ADGRV1: variants seen among roughly 807,000 people sequenced by gnomAD.
ADGRV1 encodes the protein adhesion G protein-coupled receptor V1.
In ADGRV1, 359 loss-of-function variants were observed where a neutral mutation model predicts 596.2. That is an observed-to-expected ratio of 0.60 (90% confidence interval 0.55 to 0.66). ADGRV1 has a LOEUF of 0.66. Among genes scored for constraint, ADGRV1 ranks in the 30% least tolerant of loss-of-function variants. ADGRV1 has a pLI of 0.00. For synonymous variants in ADGRV1, 2,681 were observed against 2,679.2 expected, an observed-to-expected ratio of 1.00 and a Z score of -0.02; for missense variants, 7,274 against 7,575.6, an observed-to-expected ratio of 0.96 and a Z score of 1.48.
chr5:90,788,463 G>GT (rs1759720589), intron 68 of ADGRV1, among the ~76,000 whole-genome samples, 153 bp downstream of exon 68: 1 of 151,940 alleles, frequency 6.6e-6, no homozygotes, highest in Non-Finnish European at 1.5e-5. Flanking sequence ...AAACTTTTTG[G>GT]TTTTCATGTC....
rs1398932023 is a variant in ADGRV1 at position 91,163,720 on chromosome 5, ATTC to A, written c.18803-59_18803-57del. On this transcript the variant is annotated intron_variant, in intron 89 of 89. Transcript: ENST00000405460. ...ACAGGCTTGGACCTAATGTAAATTG[ATTC>A]TTAAGAATTCACTGCACTAATAGTT... 6.0e-6 allele frequency: 4 copies of A among 661,852 alleles called. No individual in the cohort carries two copies. The African/African-American group carries it at 7.3e-5, about 12-fold the overall frequency. The allele number at this position is 661,852 out of a possible 1,614,324, so 41.0% of individuals were successfully genotyped here. A position where few individuals can be genotyped will look rare whatever the true frequency, so the allele number is the denominator to read the frequency against.
At chr5:90,750,442 G>A (rs1755112221) in intron 52 of ADGRV1, 109 bp from the exon 53 acceptor site, 3 of 786,510 alleles carry the variant, frequency 3.8e-6, no homozygotes, top group Admixed American at 2.5e-5. Context: ...ACTATGTCAT[G>A]TTGCTTAGGA....
chr5:91,121,998 T>A (rs1324466511), intron 87 of ADGRV1, among the ~76,000 whole-genome samples: 1 of 152,116 alleles, frequency 6.6e-6, no homozygotes, highest in South Asian at 2.1e-4. Context: ...GACCATTAAC[T>A]TGTTATTGAA....
intron 83 of ADGRV1, among the ~76,000 whole-genome samples, chr5:90,897,100 C>G (rs894611515): frequency 6.6e-6 from 1 of 152,224 alleles, no homozygotes; most frequent in South Asian, 2.1e-4. Flanking sequence ...GTTGTTTGCA[C>G]ACATTTTAAA....
At chr5:90,785,643 C>A (rs1759353763) in intron 67 of ADGRV1, among the ~76,000 whole-genome samples, 1 of 152,120 alleles carries the variant, frequency 6.6e-6, no homozygotes, top group Admixed American at 6.6e-5. Context: ...CAACAGACAC[C>A]TGAAAAAATG....
intron 87 of ADGRV1, among the ~76,000 whole-genome samples, chr5:91,147,259 C>A (rs984968254): frequency 6.7e-6 from 1 of 150,166 alleles, no homozygotes; most frequent in African/African-American, 2.4e-5. Flanking sequence ...TTGTGACATT[C>A]AAAATTTGCC....
At chr5:91,006,620 G>A (rs1782301306) in intron 85 of ADGRV1, among the ~76,000 whole-genome samples, 1 of 152,060 alleles carries the variant, frequency 6.6e-6, no homozygotes, top group African/African-American at 2.4e-5. Flanking sequence ...TATACTCATA[G>A]ATGTTCTCAC....
At chr5:90,670,942 C>T (rs6861525) in intron 21 of ADGRV1, among the ~76,000 whole-genome samples, 87,755 of 152,024 alleles carry the variant, frequency 0.58, 26,455 homozygotes, top group East Asian at 0.8. Flanking sequence ...CATGGAGACC[C>T]GCATCACACG....
chr5:90,788,504 A>AT (rs59456029), intron 68 of ADGRV1, among the ~76,000 whole-genome samples, 194 bp downstream of exon 68: 1 of 152,032 alleles, frequency 6.6e-6, no homozygotes, highest in Non-Finnish European at 1.5e-5. Flanking sequence ...TATTGGTAAT[A>AT]TTTTTTTTAA....
intron 1 of ADGRV1, among the ~76,000 whole-genome samples, chr5:90,605,339 C>T (rs575361137): frequency 2.0e-5 from 3 of 151,322 alleles, no homozygotes; most frequent in Non-Finnish European, 4.4e-5. Context: ...CGCTTGAACC[C>T]GGGAGGTGGA....
chr5:90,613,214 A>C (rs774174084), intron 1 of ADGRV1, among the ~76,000 whole-genome samples: 1 of 152,046 alleles, frequency 6.6e-6, no homozygotes, highest in Non-Finnish European at 1.5e-5. Context: ...ATCACAGTAG[A>C]TTGTAGTTGA....
chr5:90,864,113 T>C (rs1767869455), intron 83 of ADGRV1, among the ~76,000 whole-genome samples: 1 of 152,150 alleles, frequency 6.6e-6, no homozygotes, highest in South Asian at 2.1e-4. Flanking sequence ...CATCTTATTG[T>C]CAGCTAATAT....
chr5:90,769,938 A>G (rs1225359606), intron 59 of ADGRV1, among the ~76,000 whole-genome samples: 1 of 152,176 alleles, frequency 6.6e-6, no homozygotes, highest in Non-Finnish European at 1.5e-5. Flanking sequence ...GAAAGAGCTG[A>G]TAACAGTGGG....
intron 74 of ADGRV1, among the ~76,000 whole-genome samples, chr5:90,811,950 A>G (rs1322369129): frequency 3.1e-5 from 4 of 130,848 alleles, no homozygotes; most frequent in Non-Finnish European, 4.7e-5. Context: ...TTTTTTGGAG[A>G]TGGAGTCTTG....
intron 1 of ADGRV1, among the ~76,000 whole-genome samples, chr5:90,590,190 G>C (rs979228445): frequency 6.6e-6 from 1 of 152,130 alleles, no homozygotes; most frequent in Admixed American, 6.5e-5. Context: ...GTTATCTATT[G>C]CTATGTAAGA....
At chr5:90,863,729 C>A (rs1372159738) in intron 82 of ADGRV1, 28 bp from the exon 83 acceptor site, 11 of 1,486,086 alleles carry the variant, frequency 7.4e-6, no homozygotes, top group East Asian at 2.3e-5. Context: ...GATTATTAAA[C>A]CATATGTGGA....
At chr5:91,129,780 C>T (rs962237386) in intron 87 of ADGRV1, among the ~76,000 whole-genome samples, 8 of 152,208 alleles carry the variant, frequency 5.3e-5, no homozygotes, top group Non-Finnish European at 7.3e-5. Flanking sequence ...ATCCAGTCTA[C>T]GGCACACCTT....
chr5:90,893,029 C>T (rs895007951), intron 83 of ADGRV1, among the ~76,000 whole-genome samples: 2 of 152,130 alleles, frequency 1.3e-5, no homozygotes, highest in African/African-American at 4.8e-5. Flanking sequence ...AAACAACAAT[C>T]ATTTATTATG....
At chr5:91,094,878 G>A (rs1790720669) in intron 86 of ADGRV1, among the ~76,000 whole-genome samples, 1 of 152,152 alleles carries the variant, frequency 6.6e-6, no homozygotes, top group Non-Finnish European at 1.5e-5. Flanking sequence ...AATGTGCTTG[G>A]AGGAAGATAA....
Sources: gnomAD v4.1 joint callset for allele counts (sites outside exome capture counted in the v4.1 genomes callset) on GRCh38, gnomAD v4.1.1 for gene constraint, MANE v1.5 for transcripts, NCBI Gene and HGNC (gene_info 2026-07-23, HGNC 2026-07-21) for gene names.